Variants in CFAP77 observed in about 807,000 individuals in gnomAD.
CFAP77 encodes the protein cilia- and flagella-associated protein 77.
A neutral mutation model predicts 31.1 loss-of-function variants in CFAP77; 25 were observed. That is an observed-to-expected ratio of 0.80 (90% CI 0.59 to 1.12). The LOEUF is 1.12. Among genes scored for constraint, CFAP77 ranks in the 50% most tolerant of loss-of-function variants. The pLI is 0.00. For missense variants in CFAP77, 377 were observed against 397.3 expected, an observed-to-expected ratio of 0.95 and a Z score of 0.44; for synonymous variants, 151 against 159.9, an observed-to-expected ratio of 0.94 and a Z score of 0.42.
At chr9:132,458,509 G>T (rs931636355) in intron 1 of CFAP77, among the ~76,000 whole-genome samples, 3 of 152,200 alleles carry the variant, frequency 2.0e-5, no homozygotes, top group Non-Finnish European at 2.9e-5. Flanking sequence ...ATCAGCAGAA[G>T]AAAATGTTTA....
intron 3 of CFAP77, among the ~76,000 whole-genome samples, chr9:132,512,493 C>T (rs1852056829): frequency 1.3e-5 from 2 of 152,184 alleles, no homozygotes; most frequent in Non-Finnish European, 2.9e-5. Flanking sequence ...CATCTTAACA[C>T]AAATCAAGTC....
At chr9:132,519,724 ATGGATGGG>A (rs1852231726) in intron 3 of CFAP77, among the ~76,000 whole-genome samples, 1 of 95,606 alleles carries the variant, frequency 1.0e-5, no homozygotes, top group South Asian at 4.0e-4. Context: ...AGATGGATGA[ATGGATGGG>A]TGGATGGATG....
At chr9:132,531,476 G>A (rs1452436721) in intron 3 of CFAP77, among the ~76,000 whole-genome samples, 2 of 152,172 alleles carry the variant, frequency 1.3e-5, no homozygotes, top group African/African-American at 4.8e-5. Context: ...GGGAAGCTGA[G>A]TGTGTGCTGA....
intron 5 of CFAP77, among the ~76,000 whole-genome samples, chr9:132,550,755 T>C (rs2119081513): frequency 6.6e-6 from 1 of 152,130 alleles, no homozygotes; most frequent in South Asian, 2.1e-4. Context: ...GTGTCCCCAC[T>C]TGTCAGCCTC....
chr9:132,453,232 A>G (rs963413975), intron 1 of CFAP77, among the ~76,000 whole-genome samples: 4 of 152,180 alleles, frequency 2.6e-5, no homozygotes, highest in African/African-American at 9.7e-5. Flanking sequence ...GCTTTTTAAA[A>G]AGCCAATATA....
At chr9:132,540,393 G>T (rs893743377) in intron 4 of CFAP77, among the ~76,000 whole-genome samples, 2 of 152,164 alleles carry the variant, frequency 1.3e-5, no homozygotes, top group Non-Finnish European at 1.5e-5. Context: ...GTGGCTGAGT[G>T]AGTCTCTCTT....
intron 1 of CFAP77, among the ~76,000 whole-genome samples, chr9:132,463,952 C>T (rs964414626): frequency 6.6e-6 from 1 of 152,174 alleles, no homozygotes; most frequent in Non-Finnish European, 1.5e-5. Flanking sequence ...GGCTGGGAGC[C>T]GCCTGATGGT....
chr9:132,503,553 G>A (rs147654196), intron 3 of CFAP77, among the ~76,000 whole-genome samples: 47 of 152,250 alleles, frequency 3.1e-4, no homozygotes, highest in African/African-American at 1.1e-3. Flanking sequence ...AGCACTCTGT[G>A]ATTCTCAGGC....
intron 3 of CFAP77, among the ~76,000 whole-genome samples, chr9:132,502,267 T>A (rs60338227): frequency 0.011 from 620 of 58,304 alleles, 4 homozygotes; most frequent in Non-Finnish European, 0.012. Flanking sequence ...ATATATATAT[T>A]TTTTTTTTTT....
At chr9:132,450,129 A>G (rs964701684) in intron 1 of CFAP77, among the ~76,000 whole-genome samples, 3 of 151,872 alleles carry the variant, frequency 2.0e-5, no homozygotes, top group Non-Finnish European at 2.9e-5. Flanking sequence ...ACGGGGTTTC[A>G]TCGTGGTAGC....
chr9:132,498,432 T>C lies in CFAP77; in HGVS notation c.196-263T>C, dbSNP rs142326325. The stretch of plus-strand genomic sequence containing the variant: ...GTGCTCCCCACTCCAACAATACACA[T>C]GTACCGAGAGGCCCCCCGTCTCTGA... On this transcript the variant is annotated intron_variant, in intron 1 of 5. Transcript: ENST00000393216. The surrounding 1 kb of genome is among the most constrained non-coding windows in gnomAD (Gnocchi z 4.2). Among the ~76,000 whole-genome samples, 26 of 152,136 alleles carry C rather than the reference T, an allele frequency of 1.7e-4. No homozygotes were observed. The highest frequency in any genetic ancestry group is 3.9e-4 in the African/African-American group (16 of 41,524).
At chr9:132,521,910 C>T (rs1284426574) in intron 3 of CFAP77, among the ~76,000 whole-genome samples, 3 of 151,944 alleles carry the variant, frequency 2.0e-5, no homozygotes, top group Non-Finnish European at 4.4e-5. Context: ...TACAGGTGCA[C>T]GCCACCATGC....
At chr9:132,506,591 C>T (rs1294120724) in intron 3 of CFAP77, among the ~76,000 whole-genome samples, 7 of 151,924 alleles carry the variant, frequency 4.6e-5, no homozygotes, top group African/African-American at 1.2e-4. Context: ...ATCACTCAGT[C>T]AACCAGCAAG....
chr9:132,499,272 A>G lies in CFAP77; in HGVS notation c.296-100A>G. 4 of 1,032,790 alleles carry G rather than the reference A, an allele frequency of 3.9e-6. No individual in the cohort carries two copies. Among genetic ancestry groups the G allele is most frequent in the Non-Finnish European group, 5.7e-6 (4 of 699,672 alleles). The allele number at this position is 1,032,790 out of a possible 1,614,324, so 64.0% of individuals were successfully genotyped here. On this transcript the variant is annotated intron_variant, in intron 2 of 5. Coordinates refer to ENST00000393216, the MANE Select transcript of CFAP77 (RefSeq NM_001282957.2). This position sits in a 1 kb window ranked among gnomAD's most constrained non-coding sequence, Gnocchi z 5.4. The stretch of plus-strand genomic sequence containing the variant: ...ACCCAGTAGGCTCAGGTAAATGGGA[A>G]GGCCGAGGACCCGCGTGCCCCCATT...
chr9:132,563,613 T>C (rs1362829000), intron 5 of CFAP77, among the ~76,000 whole-genome samples: 2 of 152,342 alleles, frequency 1.3e-5, no homozygotes, highest in Non-Finnish European at 2.9e-5. Context: ...TTAGTGGACA[T>C]TTCTGAGAAT....
chr9:132,542,837 G>T (rs1564246860), intron 4 of CFAP77, 109 bp from the exon 5 acceptor site: 5 of 806,198 alleles, frequency 6.2e-6, no homozygotes, highest in Non-Finnish European at 1.0e-5. Flanking sequence ...AAGTGACCGA[G>T]GATCTTGCCA....
intron 1 of CFAP77, among the ~76,000 whole-genome samples, chr9:132,458,357 G>GTTGGGGT (rs1554738861): frequency 8.4e-6 from 1 of 119,044 alleles, no homozygotes; most frequent in Non-Finnish European, 1.7e-5. Flanking sequence ...GAGGGGGGGG[G>GTTGGGGT]GTGTGTATGG....
intron 1 of CFAP77, among the ~76,000 whole-genome samples, chr9:132,418,973 A>T (rs1398797184): frequency 1.3e-5 from 2 of 152,200 alleles, no homozygotes; most frequent in Non-Finnish European, 2.9e-5. Context: ...CATTTCAGGG[A>T]AGCAAATAAA....
intron 3 of CFAP77, among the ~76,000 whole-genome samples, chr9:132,515,974 T>C (rs1205075254): frequency 6.6e-6 from 1 of 152,028 alleles, no homozygotes; most frequent in Non-Finnish European, 1.5e-5. Context: ...AGAACCAGGG[T>C]TACAAATTCA....
Sources: gnomAD v4.1 joint callset for allele counts (sites outside exome capture counted in the v4.1 genomes callset) on GRCh38, gnomAD v4.1.1 for gene constraint, Gnocchi (gnomAD v3.1) non-coding constraint, MANE v1.5 for transcripts, NCBI Gene and HGNC (gene_info 2026-07-23, HGNC 2026-07-21) for gene names.